The following LAMA3 variants were observed in gnomAD, a reference collection of about 807,000 sequenced individuals.
The protein encoded by LAMA3 is laminin subunit alpha 3.
Under a neutral mutation model 402.0 loss-of-function variants are expected in LAMA3, and 281 were observed. That is an observed-to-expected ratio of 0.70 (90% confidence interval 0.63 to 0.77). LAMA3 has a LOEUF of 0.77. LAMA3 is among the 30% of genes least tolerant of loss of function. The probability of loss-of-function intolerance (pLI) is 0.00; values close to 1 mark genes in which losing one functional copy is unlikely to be tolerated. For synonymous variants in LAMA3, 1,431 were observed against 1,558.4 expected, an observed-to-expected ratio of 0.92 and a Z score of 1.93; for missense variants, 3,840 against 4,215.5, an observed-to-expected ratio of 0.91 and a Z score of 2.47.
intron 2 of LAMA3, among the ~76,000 whole-genome samples, chr18:23,744,423 T>A (rs567286631): frequency 4.6e-5 from 7 of 152,284 alleles, no homozygotes; most frequent in African/African-American, 1.7e-4. Flanking sequence ...TGCTGGAAGA[T>A]GAGTTGGTGC....
chr18:23,812,728 T>C (rs1041349550), intron 13 of LAMA3, among the ~76,000 whole-genome samples: 3 of 152,228 alleles, frequency 2.0e-5, no homozygotes, highest in Non-Finnish European at 2.9e-5. Context: ...CTTGGTACAA[T>C]ATTGCCCTCT....
chr18:23,883,860 A>T (rs1192805609), intron 40 of LAMA3, among the ~76,000 whole-genome samples: 1 of 152,210 alleles, frequency 6.6e-6, no homozygotes, highest in Non-Finnish European at 1.5e-5. Context: ...CTTTGAATTT[A>T]TCAGTAAAAC....
chr18:23,860,220 C>T (rs932217934), intron 34 of LAMA3, among the ~76,000 whole-genome samples: 4 of 151,482 alleles, frequency 2.6e-5, no homozygotes, highest in Admixed American at 1.3e-4. Flanking sequence ...CTTTCCTTCT[C>T]ACCTATTTTA....
chr18:23,735,913 C>T lies in LAMA3; in HGVS notation c.448-12030C>T, dbSNP rs191172929. On this transcript the variant is annotated intron_variant, in intron 2 of 74. Coordinates refer to ENST00000313654, the MANE Select transcript of LAMA3 (RefSeq NM_198129.4). ...CCACAGGGTGTATCAGCAACTACAA[C>T]CTGCATCCTCTAAGACCCGCTTCCC... Among the ~76,000 whole-genome samples the T allele has an allele frequency of 1.1e-3, 175 of 152,252 alleles. 1 individual carries two copies. The highest frequency in any genetic ancestry group is 3.9e-3 in the African/African-American group (162 of 41,556).
intron 67 of LAMA3, among the ~76,000 whole-genome samples, chr18:23,936,504 A>G (rs2082319393): frequency 6.6e-6 from 1 of 151,324 alleles, no homozygotes; most frequent in Non-Finnish European, 1.5e-5. Context: ...CTCAGAGCTC[A>G]GTGGGGATCT....
Position 23,907,841 on chromosome 18 carries a change from C to T in LAMA3, c.6921C>T (p.Asn2307=). The change falls in exon 54 of 75, where the codon AAC becomes AAT. Residue 2307 remains asparagine (N), a synonymous_variant. Transcript: ENST00000313654. ...DITDEVLDGL[N]PIQTDVERIK... ...CAGATGAGGTTCTGGATGGGCTCAA[C>T]CCCATCCAGACAGATGTGGAAAGAA... 6.2e-7 allele frequency: 1 copy of T among 1,613,800 alleles called. No individual in the cohort carries two copies. Among genetic ancestry groups the T allele is most frequent in the Non-Finnish European group, 8.5e-7 (1 of 1,179,708 alleles).
chr18:23,854,283 C>T (rs2064013497), intron 32 of LAMA3, among the ~76,000 whole-genome samples: 1 of 152,250 alleles, frequency 6.6e-6, no homozygotes, highest in Admixed American at 6.5e-5. Context: ...CTTGTCTGGA[C>T]AAGCAGCTTC....
rs116169050 is a variant in LAMA3, at chr18:23,841,974, C to A, written c.3337-421C>A. ...TATTGCATGGTTATTATGCATAGCACAGTTATGAACATATAAGTATGGCCT... is the reference window on the plus strand; with the variant it reads ...TATTGCATGGTTATTATGCATAGCAAAGTTATGAACATATAAGTATGGCCT... On this transcript the variant is annotated intron_variant, in intron 27 of 74. Coordinates refer to ENST00000313654, the MANE Select transcript of LAMA3 (RefSeq NM_198129.4). Among the ~76,000 whole-genome samples, 251 of 152,218 alleles carry A rather than the reference C, an allele frequency of 1.6e-3. 2 individuals are homozygous for A. The highest frequency in any genetic ancestry group is 5.9e-3 in the African/African-American group (243 of 41,530).
chr18:23,799,698 C>G (rs935408594), intron 12 of LAMA3, among the ~76,000 whole-genome samples: 1 of 152,062 alleles, frequency 6.6e-6, no homozygotes, highest in East Asian at 1.9e-4. Context: ...CCAGGGTTCT[C>G]TAGAGAAACA....
At chr18:23,770,618 G>A (rs1419507995) in intron 8 of LAMA3, among the ~76,000 whole-genome samples, 7 of 152,004 alleles carry the variant, frequency 4.6e-5, no homozygotes, top group African/African-American at 4.8e-5. Context: ...AAAATTAGCC[G>A]GGCATGGTGG....
intron 37 of LAMA3, among the ~76,000 whole-genome samples, chr18:23,869,485 A>G (rs890761614): frequency 6.6e-6 from 1 of 152,202 alleles, no homozygotes; most frequent in South Asian, 2.1e-4. Context: ...TGATGTTTGC[A>G]TGCTTCCGTA....
intron 56 of LAMA3, among the ~76,000 whole-genome samples, chr18:23,913,900 A>G (rs1193424325): frequency 6.6e-6 from 1 of 152,264 alleles, no homozygotes; most frequent in African/African-American, 2.4e-5. Context: ...AATGGTTAAA[A>G]TGGTAAGTTT....
intron 39 of LAMA3, among the ~76,000 whole-genome samples, chr18:23,881,405 T>C (rs987323839): frequency 6.6e-6 from 1 of 152,206 alleles, no homozygotes; most frequent in Non-Finnish European, 1.5e-5. Flanking sequence ...AGTATATCAT[T>C]GTTAGGTGAA....
intron 1 of LAMA3, among the ~76,000 whole-genome samples, chr18:23,705,450 T>TACACACACACACACACAC (rs35025245): frequency 4.4e-4 from 64 of 145,492 alleles, no homozygotes; most frequent in African/African-American, 1.4e-3. Context: ...TATCATGACA[T>TACACACACACACACACAC]ACACACACAC....
At chr18:23,880,532 G>A (rs2064861799) in intron 39 of LAMA3, among the ~76,000 whole-genome samples, 1 of 152,146 alleles carries the variant, frequency 6.6e-6, no homozygotes, top group African/African-American at 2.4e-5. Context: ...ATGTCTTCTT[G>A]GGATATAAAC....
intron 1 of LAMA3, among the ~76,000 whole-genome samples, chr18:23,711,288 T>C (rs1047208879): frequency 6.6e-6 from 1 of 152,220 alleles, no homozygotes; most frequent in Non-Finnish European, 1.5e-5. Flanking sequence ...TTTCAAATTA[T>C]TTATTGCTCA....
chr18:23,850,267 T>C (rs2063914565), intron 32 of LAMA3, among the ~76,000 whole-genome samples: 1 of 152,246 alleles, frequency 6.6e-6, no homozygotes, highest in African/African-American at 2.4e-5. Context: ...TTTATCATAC[T>C]ATAAGAAAAT....
At chr18:23,707,389 G>A (rs1227366922) in intron 1 of LAMA3, among the ~76,000 whole-genome samples, 1 of 152,188 alleles carries the variant, frequency 6.6e-6, no homozygotes, top group Admixed American at 6.5e-5. Flanking sequence ...CCCTTTTAAG[G>A]CCTAAGCTTG....
intron 69 of LAMA3, 125 bp from the exon 70 acceptor site, chr18:23,946,019 T>A: frequency 2.2e-6 from 2 of 921,308 alleles, no homozygotes; most frequent in Non-Finnish European, 3.5e-6. Flanking sequence ...AAATCTCTCA[T>A]CTTTTGAAGC....
Sources: allele counts gnomAD v4.1 joint callset (sites outside exome capture counted in the v4.1 genomes callset), GRCh38; gene constraint gnomAD v4.1.1; transcripts MANE v1.5; gene names NCBI Gene and HGNC (gene_info 2026-07-23, HGNC 2026-07-21).